DSG2: variants seen among roughly 807,000 people sequenced by gnomAD.
DSG2 encodes the protein desmoglein-2.
In DSG2, 45 loss-of-function variants were observed where a neutral mutation model predicts 75.6. The observed-to-expected ratio is 0.60, with a 90% CI of 0.47 to 0.76. DSG2 has a LOEUF of 0.76. DSG2 is among the 30% of genes least tolerant of loss of function. The pLI, the probability that DSG2 is intolerant of heterozygous loss-of-function variation, is 0.00. For synonymous variants in DSG2, 429 were observed against 483.9 expected, an observed-to-expected ratio of 0.89 and a Z score of 1.49; for missense variants, 1,267 against 1,357.4, an observed-to-expected ratio of 0.93 and a Z score of 1.05.
In DSG2 at chr18:31,524,936, A is replaced by G. The variant is rs745876776; in HGVS notation, c.1014+48A>G. On this transcript the variant is annotated intron_variant, in intron 8 of 14. Transcript: ENST00000261590. ...TGGCGTGGGCCAAGTTGGTGCTGGA[A>G]AGGAATCTAATATATTTTGAGCCCT... The G allele has an allele frequency of 7.1e-6, 11 of 1,556,312 alleles. No homozygotes were observed. In the South Asian group the frequency reaches 1.2e-4, roughly 17 times the overall value.
intron 1 of DSG2, among the ~76,000 whole-genome samples, chr18:31,512,000 C>G (rs984808170): frequency 6.6e-6 from 1 of 152,138 alleles, no homozygotes; most frequent in African/African-American, 2.4e-5. Context: ...AGAAACATTA[C>G]ATTAAAGATG....
At position 31,521,130 on chromosome 18, in the gene DSG2, A is replaced by T. The variant is rs1568105285; in HGVS notation, c.410A>T (p.Asn137Ile). 1 of 1,613,962 alleles carries T rather than the reference A, an allele frequency of 6.2e-7. No individual in the cohort carries two copies. The highest frequency in any genetic ancestry group is 8.5e-7 in the Non-Finnish European group (1 of 1,179,970). The change falls in exon 5 of 15, where the codon AAC (asparagine) becomes ATC (isoleucine). Residue 137 changes from asparagine (N) to isoleucine (I), a missense_variant. Transcript: ENST00000261590. ...LTGYALDARG[N>I]NVEKPLELRI... The stretch of plus-strand genomic sequence containing the variant: ...GGTTACGCTTTGGATGCAAGAGGAA[A>T]CAATGTAGAGAAACCCTTAGAGCTA...
At chr18:31,498,473 G>A (rs1443797253) in intron 1 of DSG2, among the ~76,000 whole-genome samples, 177 bp downstream of exon 1, 1 of 152,204 alleles carries the variant, frequency 6.6e-6, no homozygotes, top group Non-Finnish European at 1.5e-5. Context: ...CCGACCTGGG[G>A]CTTCGGAAAA....
intron 14 of DSG2, among the ~76,000 whole-genome samples, chr18:31,543,555 C>T (rs1433098090): frequency 1.3e-5 from 2 of 152,138 alleles, no homozygotes; most frequent in African/African-American, 4.8e-5. Flanking sequence ...GAATTAGAAG[C>T]AGAACTGAAA....
chr18:31,505,810 C>T (rs1442581038), intron 1 of DSG2, among the ~76,000 whole-genome samples: 1 of 151,832 alleles, frequency 6.6e-6, no homozygotes, highest in Non-Finnish European at 1.5e-5. Context: ...TACAGGTGCA[C>T]GCCACCACGC....
intron 10 of DSG2, among the ~76,000 whole-genome samples, chr18:31,535,894 G>GACA (rs1229607569): frequency 6.6e-6 from 1 of 151,848 alleles, no homozygotes; most frequent in Non-Finnish European, 1.5e-5. Context: ...GACCAGCCTG[G>GACA]ACAAAAAAGC....
rs3737378 is a variant in DSG2 at position 31,524,601 on chromosome 18, C to A, written c.828+16C>A. 0.26 allele frequency: 418,035 copies of A among 1,609,640 alleles called. 56,365 individuals are homozygous for A. Among genetic ancestry groups the A allele is most frequent in the East Asian group, 0.32 (14,134 of 44,714 alleles). On this transcript the variant is annotated intron_variant, in intron 7 of 14. Transcript: ENST00000261590. The stretch of plus-strand genomic sequence containing the variant: ...AAATAAAGTGGTAACTATTATTCTT[C>A]TAATAACTGTACCTATTTATTTATA...
Position 31,530,987 on chromosome 18 carries a change from GA to G in DSG2, c.1017del (p.Val340Ter), listed in dbSNP as rs745457570. ...TNEGIVTLIK[E>X]VDYEEMKNLD... ...AATTCCCTTTGGTTTTCCCTTTCAG[GA>G]AGTAGATTATGAAGAAATGAAGAAT... On this transcript the variant is annotated frameshift_variant and splice_region_variant, in exon 9 of 15. Transcript: ENST00000261590. LOFTEE classifies it high-confidence loss of function. The G allele has an allele frequency of 1.2e-6, 2 of 1,613,634 alleles. No individual in the cohort carries two copies. The highest frequency in any genetic ancestry group is 1.7e-6 in the Non-Finnish European group (2 of 1,179,964).
chr18:31,528,059 T>C (rs986227733), intron 8 of DSG2, among the ~76,000 whole-genome samples: 17 of 152,304 alleles, frequency 1.1e-4, no homozygotes, highest in Non-Finnish European at 1.5e-4. Context: ...ATCAAAAAGA[T>C]TGACAACACC....
At chr18:31,502,595 CA>C (rs2073019163) in intron 1 of DSG2, among the ~76,000 whole-genome samples, 1 of 152,054 alleles carries the variant, frequency 6.6e-6, no homozygotes, top group African/African-American at 2.4e-5. Context: ...ACTAAAAATA[CA>C]AAAAATTAGC....
At chr18:31,528,970 TA>T (rs1311714693) in intron 8 of DSG2, among the ~76,000 whole-genome samples, 1 of 152,106 alleles carries the variant, frequency 6.6e-6, no homozygotes, top group Non-Finnish European at 1.5e-5. Flanking sequence ...CATCATGCTG[TA>T]CACTTAAAAT....
At chr18:31,519,282 C>T (rs1453363798) in intron 2 of DSG2, among the ~76,000 whole-genome samples, 1 of 152,160 alleles carries the variant, frequency 6.6e-6, no homozygotes, top group East Asian at 1.9e-4. Context: ...ACTGTCTGGG[C>T]ACAGTGGCTC....
intron 1 of DSG2, among the ~76,000 whole-genome samples, chr18:31,513,901 T>G (rs1001703100): frequency 6.6e-6 from 1 of 152,164 alleles, no homozygotes; most frequent in Admixed American, 6.5e-5. Flanking sequence ...TGCATAATAC[T>G]GATCTAATCG....
chr18:31,502,757 GAAGGAAGGAAGGAGGGAAGA>G (rs1021313729), intron 1 of DSG2, among the ~76,000 whole-genome samples: 2 of 151,596 alleles, frequency 1.3e-5, no homozygotes, highest in African/African-American at 4.8e-5. Flanking sequence ...TCAAAAAAAA[GAAGGAAGGAAGGAGGGAAGA>G]AAGGAAGGGA....
intron 9 of DSG2, among the ~76,000 whole-genome samples, chr18:31,532,200 C>A (rs1199950456): frequency 6.6e-6 from 1 of 152,146 alleles, no homozygotes; most frequent in Non-Finnish European, 1.5e-5. Flanking sequence ...ATCAAGGCAC[C>A]AGCCAACAGA....
chr18:31,531,944 A>G (rs1567929292), intron 9 of DSG2, among the ~76,000 whole-genome samples: 1 of 152,188 alleles, frequency 6.6e-6, no homozygotes, highest in Non-Finnish European at 1.5e-5. Context: ...CATTCTCTAC[A>G]GAGCTGTTAT....
In DSG2 at chr18:31,521,077, C is replaced by G. The variant is rs760098409; in HGVS notation, c.379-22C>G. 4 of 1,613,396 alleles carry G rather than the reference C, an allele frequency of 2.5e-6. No individual in the cohort carries two copies. In the East Asian group the frequency reaches 8.9e-5, roughly 36 times the overall value. On this transcript the variant is annotated intron_variant, in intron 4 of 14. Coordinates refer to ENST00000261590, the MANE Select transcript of DSG2 (RefSeq NM_001943.5). ...TTAGTTTTCTTAGCTTAAATCTAATCTTATTTATGTCATGATTTCAGCTAA... is the reference window on the plus strand; with the variant it reads ...TTAGTTTTCTTAGCTTAAATCTAATGTTATTTATGTCATGATTTCAGCTAA...
At chr18:31,527,178 G>A (rs1237895173) in intron 8 of DSG2, among the ~76,000 whole-genome samples, 2 of 152,090 alleles carry the variant, frequency 1.3e-5, no homozygotes, top group African/African-American at 4.8e-5. Flanking sequence ...GCATGTTTAA[G>A]TACACAAATA....
At chr18:31,502,458 A>G (rs1169236783) in intron 1 of DSG2, among the ~76,000 whole-genome samples, 2 of 152,260 alleles carry the variant, frequency 1.3e-5, no homozygotes, top group Non-Finnish European at 1.5e-5. Flanking sequence ...ATTTAAAATT[A>G]GAAACTTTAG....
Sources: gnomAD v4.1 joint callset for allele counts (sites outside exome capture counted in the v4.1 genomes callset) on GRCh38, gnomAD v4.1.1 for gene constraint, MANE v1.5 for transcripts, NCBI Gene and HGNC (gene_info 2026-07-23, HGNC 2026-07-21) for gene names.